The following TRPM3 variants were observed in gnomAD, a reference collection of about 807,000 sequenced individuals.
The protein encoded by TRPM3 is transient receptor potential cation channel subfamily M member 3.
Under a neutral mutation model 181.2 loss-of-function variants are expected in TRPM3, and 77 were observed. That is an observed-to-expected ratio of 0.42 (90% CI 0.35 to 0.51). The LOEUF (loss-of-function observed/expected upper bound fraction) is 0.51. TRPM3 is among the 20% of genes least tolerant of loss of function. The pLI, the probability that TRPM3 is intolerant of heterozygous loss-of-function variation, is 0.01. For synonymous variants in TRPM3, 745 were observed against 796.4 expected, an observed-to-expected ratio of 0.94 and a Z score of 1.09; for missense variants, 1,759 against 2,196.7, an observed-to-expected ratio of 0.80 and a Z score of 3.98.
At chr9:71,268,181 C>A (rs557252360) in intron 1 of TRPM3, among the ~76,000 whole-genome samples, 3 of 151,536 alleles carry the variant, frequency 2.0e-5, no homozygotes, top group African/African-American at 7.3e-5. Flanking sequence ...AGGAGTTCAA[C>A]GCCAGCCTGG....
intron 1 of TRPM3, among the ~76,000 whole-genome samples, chr9:70,913,712 T>TA (rs1334384071): frequency 2.0e-5 from 3 of 150,000 alleles, no homozygotes; most frequent in African/African-American, 7.6e-5. Context: ...AATGGATGAA[T>TA]TTTTTTTTGT....
chr9:71,373,106 C>G (rs113034007), intron 1 of TRPM3, among the ~76,000 whole-genome samples: 1 of 151,956 alleles, frequency 6.6e-6, no homozygotes, highest in Non-Finnish European at 1.5e-5. Context: ...CCAGAGTCTC[C>G]GGGATGTGGC....
chr9:70,564,296 T>C (rs1432956729), intron 22 of TRPM3, among the ~76,000 whole-genome samples: 2 of 152,184 alleles, frequency 1.3e-5, no homozygotes, highest in African/African-American at 2.4e-5. Context: ...CAGATTTTTG[T>C]GTTGCTGTCC....
At chr9:70,920,022 A>T (rs76699583) in intron 1 of TRPM3, among the ~76,000 whole-genome samples, 1 of 152,190 alleles carries the variant, frequency 6.6e-6, no homozygotes, top group African/African-American at 2.4e-5. Flanking sequence ...GAATATAGGT[A>T]GTTTTCTCTT....
At chr9:70,868,021 A>C (rs189277912) in intron 1 of TRPM3, among the ~76,000 whole-genome samples, 4 of 152,170 alleles carry the variant, frequency 2.6e-5, no homozygotes, top group African/African-American at 9.6e-5. Context: ...TTTCTAGCTG[A>C]CCCTTCAATT....
intron 1 of TRPM3, among the ~76,000 whole-genome samples, chr9:71,375,804 C>T (rs774730748): frequency 4.6e-5 from 7 of 152,272 alleles, no homozygotes; most frequent in Admixed American, 3.9e-4. Flanking sequence ...GATTACAACT[C>T]ACCAATGGCT....
chr9:71,210,358 T>C (rs1264542303), intron 1 of TRPM3, among the ~76,000 whole-genome samples: 4 of 152,184 alleles, frequency 2.6e-5, no homozygotes, highest in African/African-American at 9.7e-5. Flanking sequence ...TATTTCATTA[T>C]ATATTACAAT....
chr9:70,697,573 T>C (rs1362583235), intron 8 of TRPM3, among the ~76,000 whole-genome samples: 1 of 152,230 alleles, frequency 6.6e-6, no homozygotes, highest in Non-Finnish European at 1.5e-5. Context: ...GGCTACGATT[T>C]TCAGACTATT....
At chr9:71,197,826 G>T (rs1386013004) in intron 1 of TRPM3, among the ~76,000 whole-genome samples, 1 of 135,884 alleles carries the variant, frequency 7.4e-6, no homozygotes. Context: ...TAGGTTGCCT[G>T]TTCACTCTGA....
At chr9:70,918,513 A>G (rs2096623931) in intron 1 of TRPM3, among the ~76,000 whole-genome samples, 1 of 152,210 alleles carries the variant, frequency 6.6e-6, no homozygotes, top group South Asian at 2.1e-4. Flanking sequence ...AACAATATGC[A>G]TGACCAGTGG....
intron 8 of TRPM3, among the ~76,000 whole-genome samples, chr9:70,701,464 G>A (rs11142558): frequency 0.21 from 32,566 of 152,082 alleles, 4,286 homozygotes; most frequent in Non-Finnish European, 0.29. Flanking sequence ...GCACAGAAGC[G>A]GTGGTTTCTG....
At chr9:70,541,509 C>CTT (rs200435839) in intron 25 of TRPM3, among the ~76,000 whole-genome samples, 1 of 118,626 alleles carries the variant, frequency 8.4e-6, no homozygotes, top group South Asian at 2.7e-4. Flanking sequence ...TTCCTTTAAT[C>CTT]TTTTTTTTTT....
At chr9:70,680,302 A>C (rs1267968710) in intron 9 of TRPM3, among the ~76,000 whole-genome samples, 2 of 152,208 alleles carry the variant, frequency 1.3e-5, no homozygotes, top group African/African-American at 4.8e-5. Flanking sequence ...TGGTTGTTGA[A>C]ATAAATAACG....
intron 1 of TRPM3, among the ~76,000 whole-genome samples, chr9:71,034,372 C>A (rs1051906112): frequency 1.3e-5 from 2 of 152,000 alleles, no homozygotes; most frequent in Non-Finnish European, 2.9e-5. Context: ...AGAGGTAAAT[C>A]TTACTGTTCT....
Position 70,965,113 on chromosome 9 carries a change from C to CT in TRPM3, c.178-100603dup, listed in dbSNP as rs201308977. Among the ~76,000 whole-genome samples, 685 of 151,808 alleles carry CT rather than the reference C, an allele frequency of 4.5e-3. 2 individuals carry two copies. The highest frequency in any genetic ancestry group is 0.015 in the African/African-American group (627 of 41,408). On this transcript the variant is annotated intron_variant, in intron 1 of 25. Transcript: ENST00000677713. ...TACAGTGTCATGCTCTCAAATTATC[C>CT]TTTTTTTTATTTATTTTTTTTAAAT...
intron 1 of TRPM3, among the ~76,000 whole-genome samples, chr9:71,411,342 A>G (rs1403017240): frequency 6.6e-6 from 1 of 152,244 alleles, no homozygotes; most frequent in Non-Finnish European, 1.5e-5. Flanking sequence ...ATGATTGTAT[A>G]TCTAGAAAAC....
intron 22 of TRPM3, among the ~76,000 whole-genome samples, chr9:70,573,852 C>T (rs2053126258): frequency 6.6e-6 from 1 of 151,958 alleles, no homozygotes; most frequent in African/African-American, 2.4e-5. Context: ...AGCCTGGAAG[C>T]CAGCACTTTA....
At chr9:71,083,382 G>A (rs1313713448) in intron 1 of TRPM3, among the ~76,000 whole-genome samples, 1 of 151,958 alleles carries the variant, frequency 6.6e-6, no homozygotes, top group Non-Finnish European at 1.5e-5. Context: ...AGGTTACAAG[G>A]CTGGTAAATG....
intron 1 of TRPM3, among the ~76,000 whole-genome samples, chr9:71,399,111 A>G (rs2093272138): frequency 3.6e-5 from 1 of 27,520 alleles, no homozygotes. Context: ...GCCTTCAAGA[A>G]TCTTCATAAC....
Sources: gnomAD v4.1 joint callset for allele counts (sites outside exome capture counted in the v4.1 genomes callset) on GRCh38, gnomAD v4.1.1 for gene constraint, MANE v1.5 for transcripts, NCBI Gene and HGNC (gene_info 2026-07-23, HGNC 2026-07-21) for gene names.